PIEZO2: variants seen among roughly 807,000 people sequenced by gnomAD.
PIEZO2 encodes the protein piezo-type mechanosensitive ion channel component 2.
Under a neutral mutation model 337.3 loss-of-function variants are expected in PIEZO2, and 172 were observed. The ratio of observed to expected loss-of-function variants is 0.51; its 90% CI spans 0.45 to 0.58. The LOEUF is 0.58. Ranked by LOEUF, PIEZO2 falls within the 20% of genes least tolerant of loss-of-function variation. The probability of loss-of-function intolerance (pLI) is 0.00; values close to 1 mark genes in which losing one functional copy is unlikely to be tolerated. For missense variants in PIEZO2, 3,028 were observed against 3,391.3 expected (o/e 0.89, Z 2.66); for synonymous variants, 1,251 against 1,228.5 (o/e 1.02, Z -0.38).
At chr18:10,761,644 C>G (rs2038138746) in intron 23 of PIEZO2, among the ~76,000 whole-genome samples, 1 of 152,086 alleles carries the variant, frequency 6.6e-6, no homozygotes, top group Non-Finnish European at 1.5e-5. Flanking sequence ...ATTTATGGAA[C>G]CATAGGTTCC....
intron 49 of PIEZO2, among the ~76,000 whole-genome samples, chr18:10,688,969 C>G (rs2034675502): frequency 6.6e-6 from 1 of 152,144 alleles, no homozygotes; most frequent in African/African-American, 2.4e-5. Flanking sequence ...ACAACAGGCC[C>G]CATGACTGTA....
chr18:10,905,279 G>A (rs1004414809), intron 4 of PIEZO2, among the ~76,000 whole-genome samples: 2 of 151,940 alleles, frequency 1.3e-5, no homozygotes, highest in Non-Finnish European at 2.9e-5. Context: ...CATGTACTGC[G>A]GGCTTATAAA....
rs1364366559 is a variant in PIEZO2 at position 11,083,010 on chromosome 18, A to T, written c.65-16788T>A. On this transcript the variant is annotated intron_variant, in intron 1 of 55. Coordinates refer to ENST00000674853, the MANE Select transcript of PIEZO2 (RefSeq NM_001378183.1). The surrounding 1 kb of genome is among the most constrained non-coding windows in gnomAD (Gnocchi z 4.4). ...CATCCTTTGAGTAGGAGGTGGCACC[A>T]CCTTTCACAGAAGTTGCCTTATGGA... Among the ~76,000 whole-genome samples, 1 of 152,164 alleles carries T rather than the reference A, an allele frequency of 6.6e-6. No homozygotes were observed. Among genetic ancestry groups the T allele is most frequent in the Non-Finnish European group, 1.5e-5 (1 of 68,030 alleles).
chr18:10,965,437 T>C (rs2033959431), intron 3 of PIEZO2, among the ~76,000 whole-genome samples: 1 of 152,224 alleles, frequency 6.6e-6, no homozygotes, highest in African/African-American at 2.4e-5. Flanking sequence ...TGCTCATTTG[T>C]ACACTGGAGT....
At chr18:11,040,332 T>C (rs1223140348) in intron 2 of PIEZO2, among the ~76,000 whole-genome samples, 1 of 152,174 alleles carries the variant, frequency 6.6e-6, no homozygotes, top group African/African-American at 2.4e-5. Flanking sequence ...TTTAGAGACA[T>C]TATTTTATTT....
chr18:11,012,162 A>T (rs998859258), intron 2 of PIEZO2, among the ~76,000 whole-genome samples: 9 of 152,216 alleles, frequency 5.9e-5, no homozygotes, highest in Non-Finnish European at 1.2e-4. Context: ...GGTATATAAG[A>T]CTGCATGATT....
intron 40 of PIEZO2, among the ~76,000 whole-genome samples, chr18:10,706,431 G>A (rs188298251): frequency 6.6e-6 from 1 of 152,164 alleles, no homozygotes; most frequent in Admixed American, 6.5e-5. Flanking sequence ...TTCCCTGTGG[G>A]ACTCCAGCCA....
intron 21 of PIEZO2, 197 bp from the exon 22 acceptor site, chr18:10,763,295 CT>C: frequency 1.7e-6 from 1 of 590,532 alleles, no homozygotes; most frequent in Non-Finnish European, 3.0e-6. Flanking sequence ...GGCATTATGT[CT>C]TGTATGGCAG....
intron 47 of PIEZO2, among the ~76,000 whole-genome samples, chr18:10,691,787 A>ATATATATATATATATATATATATC (rs1491007716): frequency 2.0e-5 from 1 of 49,052 alleles, no homozygotes; most frequent in African/African-American, 7.1e-5. Flanking sequence ...ACACACATAT[A>ATATATATATATATATATATATATC]TATATATATA....
rs148550477 is a variant in PIEZO2, at chr18:10,943,890, G to A, written c.287-32662C>T. Among the ~76,000 whole-genome samples the A allele has an allele frequency of 3.1e-3, 470 of 152,192 alleles. 2 individuals are homozygous for A. Among genetic ancestry groups the A allele is most frequent in the African/African-American group, 9.9e-3 (410 of 41,510 alleles). The stretch of plus-strand genomic sequence containing the variant: ...TCTCATGATAGTGAATGGGTCTCAC[G>A]AGATCTGATGGCTTTAAAAATGGGA... On this transcript the variant is annotated intron_variant, in intron 3 of 55. Transcript: ENST00000674853. This position sits in a 1 kb window ranked among gnomAD's most constrained non-coding sequence, Gnocchi z 4.5.
intron 1 of PIEZO2, among the ~76,000 whole-genome samples, chr18:11,137,837 A>C (rs894822826): frequency 6.6e-6 from 1 of 152,210 alleles, no homozygotes; most frequent in Non-Finnish European, 1.5e-5. Context: ...GTTTGACCGC[A>C]AGAGAAAACA....
chr18:10,815,694 T>C lies in PIEZO2; in HGVS notation c.918-8420A>G, dbSNP rs954475189. Among the ~76,000 whole-genome samples the C allele has an allele frequency of 1.1e-4, 17 of 152,256 alleles. No individual in the cohort carries two copies. Among genetic ancestry groups the C allele is most frequent in the African/African-American group, 4.1e-4 (17 of 41,544 alleles). ...AACGTACCTAGATAATATTTGGGAG[T>C]GCTCTCACTCAGGAACAAGAGAAGA... On this transcript the variant is annotated intron_variant, in intron 7 of 55. Transcript: ENST00000674853. This position sits in a 1 kb window ranked among gnomAD's most constrained non-coding sequence, Gnocchi z 4.1.
At chr18:10,704,734 G>A (rs1345038971) in intron 41 of PIEZO2, 82 bp from the exon 42 acceptor site, 13 of 1,452,280 alleles carry the variant, frequency 9.0e-6, no homozygotes, top group Non-Finnish European at 1.2e-5. Flanking sequence ...GCCCAGGCTG[G>A]AGTGCAATGG....
At position 11,132,895 on chromosome 18, in the gene PIEZO2, T is replaced by C. The variant is rs1161376449; in HGVS notation, c.64+15630A>G. The stretch of plus-strand genomic sequence containing the variant: ...TACCATGCTCTGTGATTAAGGTCAA[T>C]GGGAAACTACAACAGCCCAAACCAG... On this transcript the variant is annotated intron_variant, in intron 1 of 55. Transcript: ENST00000674853. The surrounding 1 kb of genome is among the most constrained non-coding windows in gnomAD (Gnocchi z 4.7). Among the ~76,000 whole-genome samples the C allele has an allele frequency of 6.6e-6, 1 of 152,084 alleles. No homozygotes were observed. The highest frequency in any genetic ancestry group is 2.4e-5 in the African/African-American group (1 of 41,408).
At chr18:11,014,997 C>T (rs2036061448) in intron 2 of PIEZO2, among the ~76,000 whole-genome samples, 1 of 138,028 alleles carries the variant, frequency 7.2e-6, no homozygotes, top group South Asian at 2.4e-4. Context: ...CCCCCTCATT[C>T]CTCAGTGTGG....
At chr18:10,949,867 C>A (rs7243607) in intron 3 of PIEZO2, among the ~76,000 whole-genome samples, 9 of 152,090 alleles carry the variant, frequency 5.9e-5, no homozygotes, top group Non-Finnish European at 1.2e-4. Flanking sequence ...TCACTGATAA[C>A]AAGACCGATA....
At chr18:10,905,368 G>C (rs2043149375) in intron 4 of PIEZO2, among the ~76,000 whole-genome samples, 1 of 152,100 alleles carries the variant, frequency 6.6e-6, no homozygotes, top group African/African-American at 2.4e-5. Flanking sequence ...TGGATCACCT[G>C]AGGTCCGGAG....
rs2040896420 is a variant in PIEZO2, at chr18:10,833,061, C to T, written c.917+22292G>A. ...TGGAAGGTATTTCTCCAGAATATGC[C>T]TTGCTGGCAGCTCTTGGCAGACATG... On this transcript the variant is annotated intron_variant, in intron 7 of 55. Coordinates refer to ENST00000674853, the MANE Select transcript of PIEZO2 (RefSeq NM_001378183.1). The surrounding 1 kb of genome is among the most constrained non-coding windows in gnomAD (Gnocchi z 4.7). Among the ~76,000 whole-genome samples the T allele has an allele frequency of 6.6e-6, 1 of 152,202 alleles. No individual in the cohort carries two copies. Among genetic ancestry groups the T allele is most frequent in the African/African-American group, 2.4e-5 (1 of 41,456 alleles).
At chr18:10,717,799 A>T (rs492058) in intron 37 of PIEZO2, among the ~76,000 whole-genome samples, 20,616 of 152,130 alleles carry the variant, frequency 0.14, 1,990 homozygotes, top group Admixed American at 0.26. Context: ...CTAGAGTATC[A>T]CTAATTTTGC....
Sources: allele counts gnomAD v4.1 joint callset (sites outside exome capture counted in the v4.1 genomes callset), GRCh38; gene constraint gnomAD v4.1.1; non-coding constraint Gnocchi (gnomAD v3.1); transcripts MANE v1.5; gene names NCBI Gene and HGNC (gene_info 2026-07-23, HGNC 2026-07-21).